TBX18: variants seen among roughly 807,000 people sequenced by gnomAD.
The protein encoded by TBX18 is T-box transcription factor 18, also known as T-box transcription factor TBX18.
A neutral mutation model predicts 55.0 loss-of-function variants in TBX18; 21 were observed. That is an observed-to-expected ratio of 0.38 (90% CI 0.27 to 0.55). The LOEUF (loss-of-function observed/expected upper bound fraction) is 0.55. TBX18 is among the 20% of genes least tolerant of loss of function. The pLI, the probability that TBX18 is intolerant of heterozygous loss-of-function variation, is 0.73. For missense variants in TBX18, 840 were observed against 799.6 expected (o/e 1.05, Z -0.61); for synonymous variants, 342 against 326.1 (o/e 1.05, Z -0.53).
intron 4 of TBX18, among the ~76,000 whole-genome samples, chr6:84,750,231 G>A (rs1767309261): frequency 6.7e-6 from 1 of 149,386 alleles, no homozygotes; most frequent in Non-Finnish European, 1.5e-5. Context: ...GTTGCAGTGA[G>A]CCGAGATCGT....
Position 84,764,196 on chromosome 6 carries a change from G to T in TBX18, c.-15C>A, listed in dbSNP as rs1235741086. The T allele has an allele frequency of 9.7e-6, 11 of 1,130,968 alleles. No homozygotes were observed. Among genetic ancestry groups the T allele is most frequent in the Non-Finnish European group, 1.3e-5 (11 of 855,392 alleles). The allele number at this position is 1,130,968 out of a possible 1,614,324, so 70.1% of individuals were successfully genotyped here. A position where few individuals can be genotyped will look rare whatever the true frequency, so the allele number is the denominator to read the frequency against. ...TTCTCGGCCATCCCCCCCGCCCCGC[G>T]CCCGCCCGCCCCTCTCTCATATACA... On this transcript the variant is annotated 5_prime_UTR_variant, in exon 1 of 8. Coordinates refer to ENST00000369663, the MANE Select transcript of TBX18 (RefSeq NM_001080508.3).
intron 3 of TBX18, 89 bp from the exon 4 acceptor site, chr6:84,756,958 G>A: frequency 7.9e-7 from 1 of 1,261,050 alleles, no homozygotes; most frequent in Non-Finnish European, 1.1e-6. Flanking sequence ...TGCCTATTTT[G>A]TTTCAGTTTT....
intron 4 of TBX18, among the ~76,000 whole-genome samples, chr6:84,750,561 T>A (rs1767320521): frequency 6.6e-6 from 1 of 152,048 alleles, no homozygotes; most frequent in African/African-American, 2.4e-5. Context: ...AATACTCCAA[T>A]TTATAGATAG....
chr6:84,752,681 G>C (rs1767382037), intron 4 of TBX18, among the ~76,000 whole-genome samples: 1 of 152,086 alleles, frequency 6.6e-6, no homozygotes, highest in Non-Finnish European at 1.5e-5. Flanking sequence ...GTAATTGCAA[G>C]GTCCTTCCAC....
Position 84,756,790 on chromosome 6 carries a change from C to G in TBX18, c.679G>C (p.Asp227His). Residue 227 changes from aspartate (D) to histidine (H), a missense_variant, in exon 4 of 8, where the codon GAC becomes CAC. Transcript: ENST00000369663. ...PVPPRVYIHP[D>H]SPASGETWMR... The stretch of plus-strand genomic sequence containing the variant: ...CAAGTCTCCCCCGAGGCAGGCGAGT[C>G]TGGATGAATGTACACACGGGGTGGC... 6.2e-7 allele frequency: 1 copy of G among 1,614,096 alleles called. No individual in the cohort carries two copies. Among genetic ancestry groups the G allele is most frequent in the East Asian group, 2.2e-5 (1 of 44,864 alleles).
In TBX18 at chr6:84,747,834, T is replaced by A. The variant is rs947112281; in HGVS notation, c.939+86A>T. The A allele has an allele frequency of 5.6e-6, 7 of 1,254,642 alleles. No individual in the cohort carries two copies. The African/African-American group carries it at 9.1e-5, about 16-fold the overall frequency. 77.7% of individuals were successfully genotyped at this position (1,254,642 alleles called of 1,614,324 possible). On this transcript the variant is annotated intron_variant, in intron 5 of 7. Coordinates refer to ENST00000369663, the MANE Select transcript of TBX18 (RefSeq NM_001080508.3). ...TATATGGCAAATGCTTTATAATTCATAATATTTAGAGTGAGAAGGATAGCT... is the reference window on the plus strand; with the variant it reads ...TATATGGCAAATGCTTTATAATTCAAAATATTTAGAGTGAGAAGGATAGCT...
At position 84,736,628 on chromosome 6, in the gene TBX18, A is replaced by G; in HGVS notation, c.*57T>C. On this transcript the variant is annotated 3_prime_UTR_variant, in exon 8 of 8. Transcript: ENST00000369663. The stretch of plus-strand genomic sequence containing the variant: ...GAGTTTCTTTCCACATAGCTTTTAA[A>G]AAAGAAAAAGAAAATATGTTAGACA... The G allele has an allele frequency of 1.4e-6, 2 of 1,463,156 alleles. No homozygotes were observed. The highest frequency in any genetic ancestry group is 1.8e-6 in the Non-Finnish European group (2 of 1,107,200). The allele number at this position is 1,463,156 out of a possible 1,614,324, so 90.6% of individuals were successfully genotyped here.
chr6:84,742,838 C>T (rs1252570242), intron 6 of TBX18, among the ~76,000 whole-genome samples: 1 of 152,088 alleles, frequency 6.6e-6, no homozygotes, highest in African/African-American at 2.4e-5. Flanking sequence ...AAAATAATTC[C>T]ATCAAAGCAT....
intron 1 of TBX18, chr6:84,763,318 C>T: frequency 4.4e-6 from 2 of 451,832 alleles, no homozygotes; most frequent in South Asian, 3.1e-5. Flanking sequence ...CTCCCGGCGC[C>T]CTGCGCTTCC....
chr6:84,760,395 T>C, intron 2 of TBX18, 39 bp from the exon 3 acceptor site: 1 of 1,472,722 alleles, frequency 6.8e-7, no homozygotes, highest in Non-Finnish European at 9.3e-7. Context: ...TTTGGGGTTT[T>C]TGTTTGTGAC....
chr6:84,741,913 G>T (rs1767057945), intron 6 of TBX18: 1 of 152,060 alleles, frequency 6.6e-6, no homozygotes, highest in Non-Finnish European at 1.5e-5. Context: ...TGTAATTCAG[G>T]TGACTGAATT....
At position 84,760,266 on chromosome 6, in the gene TBX18, G is replaced by T; in HGVS notation, c.588C>A (p.Asn196Lys). 1.3e-6 allele frequency: 2 copies of T among 1,577,600 alleles called. No individual in the cohort carries two copies. Among genetic ancestry groups the T allele is most frequent in the Non-Finnish European group, 8.6e-7 (1 of 1,157,824 alleles). The change falls in exon 3 of 8, where the codon AAC becomes AAA. Residue 196 changes from asparagine (N) to lysine (K), a missense_variant. By Grantham distance (94) the Asn-to-Lys change is moderately conservative. Coordinates refer to ENST00000369663, the MANE Select transcript of TBX18 (RefSeq NM_001080508.3). ...YIAMDIVPVD[N>K]KRYRYVYHSS... ...TCTAATCACTGTACCTGTATCTTTT[G>T]TTGTCCACTGGTACAATATCCATGG...
rs1460711718 is a variant in TBX18, at chr6:84,735,608, G to A, written c.*1077C>T. On this transcript the variant is annotated 3_prime_UTR_variant, in exon 8 of 8. Coordinates refer to ENST00000369663, the MANE Select transcript of TBX18 (RefSeq NM_001080508.3). ...TCAGGCAGACGGACAAGGTTAAGAAGGGGAAAAGGGTTCAATGTGTAGGAA... is the reference window on the plus strand; with the variant it reads ...TCAGGCAGACGGACAAGGTTAAGAAAGGGAAAAGGGTTCAATGTGTAGGAA... The A allele has an allele frequency of 6.6e-6, 1 of 152,144 alleles. No homozygotes were observed. Among genetic ancestry groups the A allele is most frequent in the East Asian group, 1.9e-4 (1 of 5,190 alleles). 9.4% of individuals were successfully genotyped at this position (152,144 alleles called of 1,614,324 possible).
Position 84,736,950 on chromosome 6 carries a change from G to A in TBX18, c.1559C>T (p.Thr520Ile), listed in dbSNP as rs913365132. Reference sequence around the variant, plus strand: ...TGCACAGGGGCTGTGTAATCTAAAAGTATTATAGGAACCCTGATGGGTCTG... The same window carrying A: ...TGCACAGGGGCTGTGTAATCTAAAAATATTATAGGAACCCTGATGGGTCTG... ...TNQTHQGSYNTFRLHSPCALY... is the reference protein window; with the variant it reads ...TNQTHQGSYNIFRLHSPCALY... Residue 520 changes from threonine to isoleucine, a missense_variant, in exon 8 of 8, where the codon ACT becomes ATT. Transcript: ENST00000369663. The A allele has an allele frequency of 1.9e-6, 3 of 1,609,590 alleles. No homozygotes were observed. The highest frequency in any genetic ancestry group is 2.5e-6 in the Non-Finnish European group (3 of 1,177,270).
chr6:84,752,946 AACT>A (rs1384497822), intron 4 of TBX18, among the ~76,000 whole-genome samples: 2 of 152,202 alleles, frequency 1.3e-5, no homozygotes, highest in Non-Finnish European at 2.9e-5. Flanking sequence ...AAAAATGGTC[AACT>A]ACATGTTTTC....
intron 4 of TBX18, among the ~76,000 whole-genome samples, chr6:84,755,254 T>C (rs1022833617): frequency 8.5e-5 from 13 of 152,180 alleles, no homozygotes; most frequent in Non-Finnish European, 2.9e-5. Context: ...TATTAAGAAG[T>C]TTATAACTTA....
chr6:84,754,705 C>G (rs1326673252), intron 4 of TBX18, among the ~76,000 whole-genome samples: 1 of 152,180 alleles, frequency 6.6e-6, no homozygotes, highest in Non-Finnish European at 1.5e-5. Flanking sequence ...TGGTCAAACA[C>G]CAGTCTGGAT....
intron 4 of TBX18, among the ~76,000 whole-genome samples, chr6:84,748,544 T>C (rs1211743191): frequency 2.0e-5 from 3 of 152,158 alleles, no homozygotes; most frequent in East Asian, 3.8e-4. Context: ...CGTGACTACA[T>C]ATGTCTATTC....
Position 84,764,070 on chromosome 6 carries a change from G to T in TBX18, c.112C>A (p.Arg38=), listed in dbSNP as rs868116208. Residue 38 remains arginine (R), a synonymous_variant, in exon 1 of 8, where the codon CGG becomes AGG. Coordinates refer to ENST00000369663, the MANE Select transcript of TBX18 (RefSeq NM_001080508.3). ...AEKQQQLQKK[R]RKLGAEEAAG... ...GCCTCTTCGGCGCCCAGTTTTCGCC[G>T]CTTCTTCTGAAGCTGTTGCTGCTTC... The T allele has an allele frequency of 6.3e-7, 1 of 1,577,606 alleles. No individual in the cohort carries two copies. The highest frequency in any genetic ancestry group is 8.6e-7 in the Non-Finnish European group (1 of 1,165,900).
Sources: gnomAD v4.1 joint callset for allele counts (sites outside exome capture counted in the v4.1 genomes callset) on GRCh38, gnomAD v4.1.1 for gene constraint, MANE v1.5 for transcripts, NCBI Gene and HGNC (gene_info 2026-07-23, HGNC 2026-07-21) for gene names.